Variants in TTC39A observed in about 807,000 individuals in gnomAD.
TTC39A encodes tetratricopeptide repeat protein 39A.
In TTC39A, 46 loss-of-function variants were observed where a neutral mutation model predicts 82.3. That is an observed-to-expected ratio of 0.56 (90% CI 0.44 to 0.71). The LOEUF (loss-of-function observed/expected upper bound fraction) is 0.71. Ranked by LOEUF, TTC39A falls within the 30% of genes least tolerant of loss-of-function variation. The pLI is 0.00. For synonymous variants in TTC39A, 254 were observed against 275.2 expected (o/e 0.92, Z 0.76); for missense variants, 543 against 712.9 (o/e 0.76, Z 2.71).
intron 6 of TTC39A, among the ~76,000 whole-genome samples, chr1:51,308,266 G>A (rs1249194084): frequency 5.4e-5 from 8 of 147,376 alleles, no homozygotes; most frequent in Admixed American, 4.1e-4. Flanking sequence ...TTGAGATGAC[G>A]TCTCGCTCTG....
upstream of TTC39A, chr1:51,330,653 G>A: frequency 3.1e-6 from 3 of 979,938 alleles, no homozygotes; most frequent in Non-Finnish European, 3.6e-6. The surrounding 1 kb of genome is among the most constrained non-coding windows in gnomAD (Gnocchi z 4.5). Context: ...CACCCGCACC[G>A]TAGGGCCATG....
At position 51,315,520 on chromosome 1, in the gene TTC39A, G is replaced by C. The variant is rs370773393; in HGVS notation, c.147-2577C>G. The stretch of plus-strand genomic sequence containing the variant: ...ACTGGAAGGCAGAGGCAGCCCCTTG[G>C]CCTCTCCAAGTCTCTTCCTCTTCGT... On this transcript the variant is annotated intron_variant, in intron 2 of 17. Coordinates refer to ENST00000680483, the MANE Select transcript of TTC39A (RefSeq NM_001297663.2). 7.9e-5 allele frequency among the ~76,000 whole-genome samples: 12 copies of C among 152,254 alleles called. No homozygotes were observed. The East Asian group carries it at 2.3e-3, about 29-fold the overall frequency.
rs746056817 is a variant in TTC39A, at chr1:51,306,065, C to A, written c.500G>T (p.Ser167Ile). 4.5e-5 allele frequency: 72 copies of A among 1,613,822 alleles called. No individual in the cohort carries two copies. Among genetic ancestry groups the A allele is most frequent in the Non-Finnish European group, 5.7e-5 (67 of 1,179,842 alleles). Residue 167 changes from serine to isoleucine, a missense_variant, in exon 7 of 18, where the codon AGC becomes ATC. By Grantham distance (142) the Ser-to-Ile change is moderately radical. Coordinates refer to ENST00000680483, the MANE Select transcript of TTC39A (RefSeq NM_001297663.2). ...GCAGTATTGTGAGGACTGAACAAGG[C>A]TGTCCAGCTCCCTGCAGAGAGATGC... Reference protein sequence around the residue: ...NSYQTYKELDSLVQSSQYCKG... With the variant: ...NSYQTYKELDILVQSSQYCKG...
Position 51,288,078 on chromosome 1 carries a change from G to C in TTC39A, c.*79C>G. On this transcript the variant is annotated 3_prime_UTR_variant, in exon 18 of 18. Coordinates refer to ENST00000680483, the MANE Select transcript of TTC39A (RefSeq NM_001297663.2). The surrounding 1 kb of genome is among the most constrained non-coding windows in gnomAD (Gnocchi z 4.8). ...GGACCCCAAAGGCAGGGCAGGGCAG[G>C]GGGAGGGGGTATTTTGAAATGTTTT... 2 of 1,571,912 alleles carry C rather than the reference G, an allele frequency of 1.3e-6. No homozygotes were observed. Among genetic ancestry groups the C allele is most frequent in the Non-Finnish European group, 1.7e-6 (2 of 1,156,602 alleles).
chr1:51,322,282 T>G, intron 1 of TTC39A: 1 of 1,437,600 alleles, frequency 7.0e-7, no homozygotes, highest in South Asian at 1.6e-5. Context: ...ATCCCTGACG[T>G]TGTCACAATG....
At chr1:51,290,650 C>G in intron 14 of TTC39A, 25 bp from the exon 15 acceptor site, 1 of 1,595,560 alleles carries the variant, frequency 6.3e-7, no homozygotes, top group Non-Finnish European at 8.6e-7. Flanking sequence ...GCAAGTCAGT[C>G]CTAGGTTTCT....
chr1:51,306,067 G>A lies in TTC39A; in HGVS notation c.498C>T (p.Asp166=), dbSNP rs1425055039. The A allele has an allele frequency of 6.2e-7, 1 of 1,613,846 alleles. No individual in the cohort carries two copies. Among genetic ancestry groups the A allele is most frequent in the Non-Finnish European group, 8.5e-7 (1 of 1,179,764 alleles). ...RNSYQTYKEL[D]SLVQSSQYCK... ...AGTATTGTGAGGACTGAACAAGGCTGTCCAGCTCCCTGCAGAGAGATGCCA... is the reference window on the plus strand; with the variant it reads ...AGTATTGTGAGGACTGAACAAGGCTATCCAGCTCCCTGCAGAGAGATGCCA... Residue 166 remains aspartate, a synonymous_variant, in exon 7 of 18, where the codon GAC becomes GAT. Coordinates refer to ENST00000680483, the MANE Select transcript of TTC39A (RefSeq NM_001297663.2).
chr1:51,313,067 C>G lies in TTC39A; in HGVS notation c.147-124G>C, dbSNP rs764133245. The G allele has an allele frequency of 1.4e-4, 188 of 1,333,188 alleles. 1 individual carries two copies. Among genetic ancestry groups the G allele is most frequent in the Non-Finnish European group, 1.8e-4 (174 of 973,216 alleles). 82.6% of individuals were successfully genotyped at this position (1,333,188 alleles called of 1,614,324 possible). On this transcript the variant is annotated intron_variant, in intron 2 of 17. Transcript: ENST00000680483. ...GGTGAGGGGACCAGAGGTCCAGGCA[C>G]GGGGAGGGCCTTGGCCAGGTCTAAT...
upstream of TTC39A, among the ~76,000 whole-genome samples, chr1:51,334,232 G>A (rs1645947049): frequency 1.3e-5 from 2 of 150,808 alleles, no homozygotes; most frequent in Non-Finnish European, 1.5e-5. Flanking sequence ...GGCCAGTTGT[G>A]GTGGCTCATG....
At chr1:51,334,654 CAA>C (rs111521308), upstream of TTC39A, 21 of 123,564 alleles carry the variant, frequency 1.7e-4, no homozygotes, top group Non-Finnish European at 1.6e-4. Flanking sequence ...GACCCTGTCT[CAA>C]AAAAAAAAAA....
upstream of TTC39A, among the ~76,000 whole-genome samples, chr1:51,334,537 C>A (rs1645950408): frequency 6.6e-6 from 1 of 151,936 alleles, no homozygotes; most frequent in Non-Finnish European, 1.5e-5. Flanking sequence ...GGTACGTAGT[C>A]CCAGCTACTC....
In TTC39A at chr1:51,288,162, AG is replaced by A; in HGVS notation, c.1728del (p.Leu577CysfsTer88). On this transcript the variant is annotated frameshift_variant, in exon 18 of 18. Transcript: ENST00000680483. LOFTEE classifies it high-confidence loss of function. The surrounding 1 kb of genome is among the most constrained non-coding windows in gnomAD (Gnocchi z 4.8). ...CCCGGAACTGCTGCACAAAGCTACA[AG>A]GACACTGATGAGACCATGGATCTGC... ...NSSRSMVSSV[S>X]L 1 of 1,614,044 alleles carries A rather than the reference AG, an allele frequency of 6.2e-7. No individual in the cohort carries two copies. Among genetic ancestry groups the A allele is most frequent in the Non-Finnish European group, 8.5e-7 (1 of 1,179,890 alleles).
rs1645855786 is a variant in TTC39A, at chr1:51,330,255, C to T, written c.41+182G>A. 1.0e-6 allele frequency: 1 copy of T among 972,182 alleles called. No homozygotes were observed. The highest frequency in any genetic ancestry group is 1.2e-6 in the Non-Finnish European group (1 of 817,946). 60.2% of individuals were successfully genotyped at this position (972,182 alleles called of 1,614,324 possible). A position where few individuals can be genotyped will look rare whatever the true frequency, so the allele number is the denominator to read the frequency against. ...GGGTCCCCGCGCCTCCGCCTCCTCA[C>T]AGCCCCCTGCCCCCACTCCTGGCAG... On this transcript the variant is annotated intron_variant, in intron 1 of 17. Coordinates refer to ENST00000680483, the MANE Select transcript of TTC39A (RefSeq NM_001297663.2). This position sits in a 1 kb window ranked among gnomAD's most constrained non-coding sequence, Gnocchi z 4.5.
Position 51,288,164 on chromosome 1 carries a change from G to A in TTC39A, c.1727C>T (p.Ser576Phe). The A allele has an allele frequency of 4.3e-6, 7 of 1,614,052 alleles. No homozygotes were observed. Among genetic ancestry groups the A allele is most frequent in the Non-Finnish European group, 5.9e-6 (7 of 1,179,900 alleles). The change falls in exon 18 of 18, where the codon TCC becomes TTC. Residue 576 changes from serine (S) to phenylalanine (F), a missense_variant. By Grantham distance (155) the Ser-to-Phe change is radical. Transcript: ENST00000680483. This position sits in a 1 kb window ranked among gnomAD's most constrained non-coding sequence, Gnocchi z 4.8. ...CGGAACTGCTGCACAAAGCTACAAG[G>A]ACACTGATGAGACCATGGATCTGCT... Reference protein sequence around the residue: ...NSSRSMVSSVSL With the variant: ...NSSRSMVSSVFL
At chr1:51,292,461 C>A (rs1228376646) in intron 14 of TTC39A, among the ~76,000 whole-genome samples, 1 of 152,140 alleles carries the variant, frequency 6.6e-6, no homozygotes, top group Non-Finnish European at 1.5e-5. Context: ...GACAGGGTCT[C>A]ACTCTGTCAC....
At chr1:51,295,159 C>T (rs75273986) in intron 13 of TTC39A, among the ~76,000 whole-genome samples, 47 of 152,302 alleles carry the variant, frequency 3.1e-4, no homozygotes, top group African/African-American at 1.1e-3. Context: ...CCAAACTCTT[C>T]CTTTGCTTAT....
At chr1:51,322,304 T>C in intron 1 of TTC39A, 1 of 1,418,348 alleles carries the variant, frequency 7.1e-7, no homozygotes, top group Non-Finnish European at 9.2e-7. Flanking sequence ...GCTGTCACAC[T>C]ATGGGTCAGC....
At chr1:51,326,244 G>T (rs1320227417) in intron 1 of TTC39A, among the ~76,000 whole-genome samples, 1 of 152,226 alleles carries the variant, frequency 6.6e-6, no homozygotes, top group Non-Finnish European at 1.5e-5. Flanking sequence ...CACTGAGGAG[G>T]CTGGGCGGAA....
At chr1:51,295,416 G>C (rs1220074532) in intron 13 of TTC39A, 1 of 153,230 alleles carries the variant, frequency 6.5e-6, no homozygotes, top group Non-Finnish European at 1.5e-5. Flanking sequence ...AAGGCTCTAA[G>C]CTCCATCCTC....
Sources: allele counts gnomAD v4.1 joint callset (sites outside exome capture counted in the v4.1 genomes callset), GRCh38; gene constraint gnomAD v4.1.1; non-coding constraint Gnocchi (gnomAD v3.1); transcripts MANE v1.5; gene names NCBI Gene and HGNC (gene_info 2026-07-23, HGNC 2026-07-21).